Variants in PLD5 observed in about 807,000 individuals in gnomAD.
PLD5 encodes phospholipase D family member 5.
Under a neutral mutation model 61.1 loss-of-function variants are expected in PLD5, and 36 were observed. The observed-to-expected ratio is 0.59, with a 90% CI of 0.45 to 0.78. The LOEUF (loss-of-function observed/expected upper bound fraction) is 0.78, where lower values mean the gene tolerates loss of function less well. Among genes scored for constraint, PLD5 ranks in the 30% least tolerant of loss-of-function variants. The pLI is 0.00. For missense variants in PLD5, 515 were observed against 644.4 expected (o/e 0.80, Z 2.17); for synonymous variants, 243 against 242.8 (o/e 1.00, Z -0.01).
intron 6 of PLD5, 115 bp from the exon 7 acceptor site, chr1:242,114,141 T>G: frequency 8.9e-7 from 1 of 1,128,600 alleles, no homozygotes; most frequent in South Asian, 1.7e-5. Flanking sequence ...GCAAACCTAA[T>G]TTCTGCTTCA....
At chr1:242,460,568 C>T (rs1667086332) in intron 1 of PLD5, among the ~76,000 whole-genome samples, 1 of 151,964 alleles carries the variant, frequency 6.6e-6, no homozygotes, top group African/African-American at 2.4e-5. Flanking sequence ...ATAAAGACAT[C>T]ATACTCTTCC....
chr1:242,384,033 C>T (rs948841756), intron 1 of PLD5, among the ~76,000 whole-genome samples: 1 of 152,222 alleles, frequency 6.6e-6, no homozygotes, highest in Non-Finnish European at 1.5e-5. Context: ...ATCCCGCTGA[C>T]TTCGGCAACG....
Position 242,348,107 on chromosome 1 carries a change from G to A in PLD5, c.325C>T (p.Arg109Ter), listed in dbSNP as rs771334123. 1.6e-5 allele frequency: 25 copies of A among 1,612,502 alleles called. No homozygotes were observed. Among genetic ancestry groups the A allele is most frequent in the Non-Finnish European group, 5.1e-6 (6 of 1,179,530 alleles). Reference protein sequence around the residue: ...LSEKNCQNKCRIALVENIPEG... With the variant: ...LSEKNCQNKC ...GAATTTTTGTTTGTTACCTCTTACC[G>A]ACATTTATTTTGGCAATTTTTTTCT... The change falls in exon 2 of 10, where the codon CGA becomes TGA. Residue 109 changes from arginine (R) to a stop codon, truncating the protein, a stop_gained and splice_region_variant. Transcript: ENST00000536534. LOFTEE classifies it high-confidence loss of function.
Position 242,170,111 on chromosome 1 carries a change from T to C in PLD5, c.736-45446A>G, listed in dbSNP as rs1409087638. Among the ~76,000 whole-genome samples, 3 of 152,156 alleles carry C rather than the reference T, an allele frequency of 2.0e-5. No individual in the cohort carries two copies. The East Asian group carries it at 5.8e-4, about 29-fold the overall frequency. On this transcript the variant is annotated intron_variant, in intron 5 of 9. Transcript: ENST00000536534. ...AGGTCAGGCTGCCTCTTCAAGTTAG[T>C]CCTTGACTCTCATGTATTCTGACTG...
chr1:242,202,316 C>T (rs1169733203), intron 5 of PLD5, among the ~76,000 whole-genome samples: 1 of 152,188 alleles, frequency 6.6e-6, no homozygotes, highest in South Asian at 2.1e-4. Context: ...GAGGGGTCCT[C>T]ATTCCTCCCT....
chr1:242,449,269 A>C (rs1666682871), intron 1 of PLD5: 2 of 1,504,524 alleles, frequency 1.3e-6, no homozygotes, highest in Admixed American at 3.9e-5. Context: ...GTCTCATGCT[A>C]CCAACAGCCA....
rs577141677 is a variant in PLD5, at chr1:242,360,626, G to GT, written c.190-12385dup. 3.0e-3 allele frequency among the ~76,000 whole-genome samples: 458 copies of GT among 152,104 alleles called. 3 individuals are homozygous for GT. The highest frequency in any genetic ancestry group is 0.011 in the African/African-American group (437 of 41,498). On this transcript the variant is annotated intron_variant, in intron 1 of 9. Coordinates refer to ENST00000536534, the MANE Select transcript of PLD5 (RefSeq NM_001372062.1). ...AACAACGATAAAATTGTATCATGCTGTAATTAAGGTTTATATTCTGCTTTT... is the reference window on the plus strand; with the variant it reads ...AACAACGATAAAATTGTATCATGCTGTTAATTAAGGTTTATATTCTGCTTTT...
chr1:242,444,247 C>T (rs1666403161), intron 1 of PLD5, among the ~76,000 whole-genome samples: 2 of 152,170 alleles, frequency 1.3e-5, no homozygotes, highest in African/African-American at 2.4e-5. Flanking sequence ...TTCAATTTCC[C>T]AAAAACTTGT....
chr1:242,106,343 G>A (rs1202172619), intron 8 of PLD5, among the ~76,000 whole-genome samples: 2 of 152,224 alleles, frequency 1.3e-5, no homozygotes, highest in Non-Finnish European at 2.9e-5. Context: ...ACTCTGTGCA[G>A]TGACTGCATG....
intron 5 of PLD5, among the ~76,000 whole-genome samples, chr1:242,209,871 T>A (rs769931766): frequency 3.9e-5 from 6 of 152,332 alleles, no homozygotes; most frequent in African/African-American, 1.2e-4. Context: ...CTTGGCTCAC[T>A]GCAACCTCTG....
At chr1:242,434,675 G>A (rs1235873738) in intron 1 of PLD5, among the ~76,000 whole-genome samples, 6 of 152,068 alleles carry the variant, frequency 3.9e-5, no homozygotes, top group African/African-American at 1.2e-4. Context: ...GTGTAGTGGT[G>A]CAATCTCGGC....
chr1:242,226,870 C>T (rs1404589675), intron 4 of PLD5, among the ~76,000 whole-genome samples: 1 of 151,862 alleles, frequency 6.6e-6, no homozygotes, highest in Non-Finnish European at 1.5e-5. Flanking sequence ...TTTGTGCTTA[C>T]GTATTTCAAT....
intron 1 of PLD5, among the ~76,000 whole-genome samples, chr1:242,496,225 G>A (rs529977411): frequency 2.6e-4 from 40 of 152,092 alleles, no homozygotes; most frequent in African/African-American, 8.7e-4. Context: ...TTTAAACTGT[G>A]TAAGGGAGAT....
At chr1:242,416,085 G>A (rs1664820118) in intron 1 of PLD5, among the ~76,000 whole-genome samples, 2 of 151,814 alleles carry the variant, frequency 1.3e-5, no homozygotes, top group Admixed American at 6.6e-5. Flanking sequence ...ATTGTTGGTG[G>A]CAGTATTGGC....
chr1:242,089,045 T>A lies in PLD5; in HGVS notation c.*809A>T. The A allele has an allele frequency of 3.1e-6, 1 of 327,026 alleles. No individual in the cohort carries two copies. The highest frequency in any genetic ancestry group is 4.6e-5 in the East Asian group (1 of 21,902). The allele number at this position is 327,026 out of a possible 1,614,324, so 20.3% of individuals were successfully genotyped here. A position where few individuals can be genotyped will look rare whatever the true frequency, so the allele number is the denominator to read the frequency against. ...TTAGCAGGTGGCTACATAATTTTTC[T>A]GAGCTTGAGAGAAAGGATACATATT... On this transcript the variant is annotated 3_prime_UTR_variant, in exon 10 of 10. Transcript: ENST00000536534.
At chr1:242,304,286 C>T (rs2796064) in intron 2 of PLD5, among the ~76,000 whole-genome samples, 5 of 152,200 alleles carry the variant, frequency 3.3e-5, no homozygotes, top group South Asian at 2.1e-4. Context: ...GTGCACATAA[C>T]GGGCCCTCTT....
chr1:242,397,107 C>A (rs1663628105), intron 1 of PLD5, among the ~76,000 whole-genome samples: 1 of 152,020 alleles, frequency 6.6e-6, no homozygotes, highest in Non-Finnish European at 1.5e-5. Context: ...CTAGATCTAC[C>A]AATCGTCTCA....
intron 1 of PLD5, among the ~76,000 whole-genome samples, chr1:242,470,380 A>T (rs1258789756): frequency 2.7e-5 from 2 of 73,820 alleles, no homozygotes; most frequent in African/African-American, 1.2e-4. Context: ...GAAAGAAAGA[A>T]AAAAAAGAAA....
chr1:242,149,836 C>T (rs982312325), intron 5 of PLD5, among the ~76,000 whole-genome samples: 1 of 151,428 alleles, frequency 6.6e-6, no homozygotes, highest in Admixed American at 6.6e-5. Context: ...TTCTTGTATT[C>T]CTGATATTTA....
Sources: allele counts gnomAD v4.1 joint callset (sites outside exome capture counted in the v4.1 genomes callset), GRCh38; gene constraint gnomAD v4.1.1; transcripts MANE v1.5; gene names NCBI Gene and HGNC (gene_info 2026-07-23, HGNC 2026-07-21).